The following ITGA8 variants were observed in gnomAD, a reference collection of about 807,000 sequenced individuals.
ITGA8 encodes integrin subunit alpha 8.
In ITGA8, 91 loss-of-function variants were observed where a neutral mutation model predicts 142.3. The ratio of observed to expected loss-of-function variants is 0.64; its 90% confidence interval spans 0.54 to 0.76. ITGA8 has a LOEUF of 0.76. ITGA8 is among the 30% of genes least tolerant of loss of function. ITGA8 has a pLI of 0.00. For missense variants in ITGA8, 1,406 were observed against 1,327.7 expected (o/e 1.06, Z -0.92); for synonymous variants, 505 against 485.2 (o/e 1.04, Z -0.54).
At chr10:15,652,266 C>T (rs182937632) in intron 11 of ITGA8, among the ~76,000 whole-genome samples, 122 of 152,274 alleles carry the variant, frequency 8.0e-4, no homozygotes, top group Admixed American at 1.7e-3. Flanking sequence ...CCAAGAAGGA[C>T]GGTGCCCTGC....
At chr10:15,694,706 G>A (rs1454753757) in intron 2 of ITGA8, among the ~76,000 whole-genome samples, 1 of 18,756 alleles carries the variant, frequency 5.3e-5, no homozygotes, top group East Asian at 1.9e-3. Flanking sequence ...TATATATGTC[G>A]ACATATGTAT....
chr10:15,648,743 C>T (rs74544570), intron 11 of ITGA8, among the ~76,000 whole-genome samples: 1,980 of 152,224 alleles, frequency 0.013, 31 homozygotes, highest in African/African-American at 0.045. Flanking sequence ...CCTACCCTCT[C>T]TCCAATTTCT....
intron 13 of ITGA8, among the ~76,000 whole-genome samples, chr10:15,632,593 G>T (rs776266394): frequency 6.6e-6 from 1 of 152,136 alleles, no homozygotes; most frequent in South Asian, 2.1e-4. Context: ...GCAGAAGCAG[G>T]TCGGTATTTC....
At chr10:15,643,890 G>C in intron 13 of ITGA8, 140 bp downstream of exon 13, 2 of 645,056 alleles carry the variant, frequency 3.1e-6, no homozygotes. Context: ...CTCTGGAATC[G>C]TACATTAAAA....
At chr10:15,668,001 T>A (rs1834429973) in intron 8 of ITGA8, among the ~76,000 whole-genome samples, 1 of 152,210 alleles carries the variant, frequency 6.6e-6, no homozygotes, top group African/African-American at 2.4e-5. Flanking sequence ...TTCTGTTGAT[T>A]TGGGGTGGAG....
intron 14 of ITGA8, among the ~76,000 whole-genome samples, chr10:15,616,031 A>T (rs1329737158): frequency 6.6e-6 from 1 of 152,256 alleles, no homozygotes; most frequent in Non-Finnish European, 1.5e-5. Flanking sequence ...TGGAATGTCC[A>T]GGCTTGGAAT....
At chr10:15,719,532 C>G in intron 1 of ITGA8, 31 bp downstream of exon 1, 1 of 1,514,720 alleles carries the variant, frequency 6.6e-7, no homozygotes, top group Non-Finnish European at 8.7e-7. Flanking sequence ...CCTTCGTCCC[C>G]GCGCGCACCT....
At chr10:15,652,653 T>G (rs952846619) in intron 11 of ITGA8, among the ~76,000 whole-genome samples, 4 of 152,222 alleles carry the variant, frequency 2.6e-5, no homozygotes, top group African/African-American at 9.6e-5. Flanking sequence ...AGCTACTTTA[T>G]TTTTACAACT....
At chr10:15,617,593 G>A (rs188889724) in intron 13 of ITGA8, among the ~76,000 whole-genome samples, 3 of 152,160 alleles carry the variant, frequency 2.0e-5, no homozygotes, top group East Asian at 3.9e-4. Flanking sequence ...TAGAGACGGG[G>A]TTTCACTGTG....
intron 13 of ITGA8, among the ~76,000 whole-genome samples, chr10:15,632,556 G>A (rs1299056474): frequency 6.6e-6 from 1 of 152,116 alleles, no homozygotes; most frequent in African/African-American, 2.4e-5. Flanking sequence ...CCACAAACAG[G>A]AGATTAGTGT....
rs750968598 is a variant in ITGA8 at position 15,606,360 on chromosome 10, G to T, written c.1827C>A (p.Asp609Glu). 3 of 1,611,522 alleles carry T rather than the reference G, an allele frequency of 1.9e-6. No homozygotes were observed. The South Asian group carries it at 3.3e-5, about 18-fold the overall frequency. ...PINISLNYSL[D>E]ESTFKEGLEV... ...CCAGGCCTTCTTTAAAGGTGGATTCGTCCAAACTGTAATTCAAACTAATGT... is the reference window on the plus strand; with the variant it reads ...CCAGGCCTTCTTTAAAGGTGGATTCTTCCAAACTGTAATTCAAACTAATGT... Residue 609 changes from aspartate to glutamate, a missense_variant, in exon 18 of 30, where the codon GAC becomes GAA. Transcript: ENST00000378076.
At chr10:15,665,243 G>C (rs4317879) in intron 8 of ITGA8, among the ~76,000 whole-genome samples, 74,731 of 151,948 alleles carry the variant, frequency 0.49, 19,270 homozygotes, top group South Asian at 0.68. Flanking sequence ...TTGTGGTTTT[G>C]ATTTGCATTT....
In ITGA8 at chr10:15,683,513, T is replaced by G. The variant is rs76473355; in HGVS notation, c.568+491A>C. ...TACAGAGTCATTTTGAAAAAAAGGA[T>G]TAAACATCTTAAGCAGAAAGGCATA... On this transcript the variant is annotated intron_variant, in intron 4 of 29. Coordinates refer to ENST00000378076, the MANE Select transcript of ITGA8 (RefSeq NM_003638.3). Among the ~76,000 whole-genome samples, 14 of 152,050 alleles carry G rather than the reference T, an allele frequency of 9.2e-5. No homozygotes were observed. In the East Asian group the frequency reaches 2.5e-3, roughly 27 times the overall value.
At chr10:15,654,161 A>G (rs1834141260) in intron 11 of ITGA8, among the ~76,000 whole-genome samples, 1 of 152,098 alleles carries the variant, frequency 6.6e-6, no homozygotes, top group South Asian at 2.1e-4. Flanking sequence ...ATGGCCTGAT[A>G]GCTCATTTCT....
intron 12 of ITGA8, among the ~76,000 whole-genome samples, 184 bp from the exon 13 acceptor site, chr10:15,644,405 C>T (rs1438701181): frequency 7.8e-6 from 1 of 127,908 alleles, no homozygotes; most frequent in Non-Finnish European, 1.6e-5. Flanking sequence ...GGAGCTGGGA[C>T]TACAGGTGCA....
intron 8 of ITGA8, among the ~76,000 whole-genome samples, chr10:15,665,809 C>G (rs1168509119): frequency 6.6e-6 from 1 of 152,118 alleles, no homozygotes; most frequent in African/African-American, 2.4e-5. Flanking sequence ...TCAGGTTTGT[C>G]AAAGATCAGA....
intron 11 of ITGA8, among the ~76,000 whole-genome samples, chr10:15,647,523 C>T (rs569820506): frequency 8.3e-4 from 111 of 133,356 alleles, no homozygotes; most frequent in African/African-American, 3.1e-3. Flanking sequence ...ACTGCAGTGG[C>T]GCAATCTCGG....
At chr10:15,690,845 A>G (rs1174789426) in intron 2 of ITGA8, among the ~76,000 whole-genome samples, 1 of 152,128 alleles carries the variant, frequency 6.6e-6, no homozygotes, top group Non-Finnish European at 1.5e-5. Context: ...GAGCCAATGC[A>G]CGCTACCCAA....
At chr10:15,537,350 C>T (rs1225470408) in intron 27 of ITGA8, among the ~76,000 whole-genome samples, 2 of 152,176 alleles carry the variant, frequency 1.3e-5, no homozygotes, top group African/African-American at 4.8e-5. Context: ...GAAACTGTGG[C>T]AGTGCAGAAA....
Sources: gnomAD v4.1 joint callset for allele counts (sites outside exome capture counted in the v4.1 genomes callset) on GRCh38, gnomAD v4.1.1 for gene constraint, MANE v1.5 for transcripts, NCBI Gene and HGNC (gene_info 2026-07-23, HGNC 2026-07-21) for gene names.